CFAP251: variants seen among roughly 807,000 people sequenced by gnomAD.
CFAP251 encodes the protein cilia- and flagella-associated protein 251.
CFAP251 carries 93 observed loss-of-function variants against 126.7 expected under a neutral mutation model. That is an observed-to-expected ratio of 0.73 (90% confidence interval 0.62 to 0.87). The LOEUF (loss-of-function observed/expected upper bound fraction) is 0.87. Among genes scored for constraint, CFAP251 ranks in the 40% least tolerant of loss-of-function variants. The pLI, the probability that CFAP251 is intolerant of heterozygous loss-of-function variation, is 0.00. For missense variants in CFAP251, 1,287 were observed against 1,389.2 expected (o/e 0.93, Z 1.17); for synonymous variants, 503 against 506.9 (o/e 0.99, Z 0.10).
At chr12:121,956,041 C>T (rs867870525) in intron 10 of CFAP251, 9 of 152,162 alleles carry the variant, frequency 5.9e-5, no homozygotes, top group South Asian at 2.1e-4. Context: ...GAGAAAAATC[C>T]TCCTCATCTG....
intron 19 of CFAP251, among the ~76,000 whole-genome samples, chr12:121,987,530 C>T (rs1288171600): frequency 6.6e-6 from 1 of 152,016 alleles, no homozygotes; most frequent in East Asian, 1.9e-4. Context: ...CCCTGGCCAA[C>T]ATGGTGAAGC....
At chr12:121,933,241 G>C (rs1446728714) in intron 4 of CFAP251, 1 of 152,264 alleles carries the variant, frequency 6.6e-6, no homozygotes, top group Non-Finnish European at 1.5e-5. Flanking sequence ...GATTGAGTGG[G>C]CAGGGATTGA....
chr12:121,982,936 CTA>C (rs1882659143), intron 19 of CFAP251, among the ~76,000 whole-genome samples: 1 of 151,762 alleles, frequency 6.6e-6, no homozygotes, highest in Non-Finnish European at 1.5e-5. Flanking sequence ...ACCCCGATCT[CTA>C]AAAAATTTTA....
chr12:121,978,873 T>C (rs1882547836), intron 19 of CFAP251, among the ~76,000 whole-genome samples: 1 of 152,182 alleles, frequency 6.6e-6, no homozygotes, highest in Non-Finnish European at 1.5e-5. Flanking sequence ...CTCTCATTAT[T>C]TTCCTGGGTC....
intron 19 of CFAP251, among the ~76,000 whole-genome samples, chr12:121,984,149 A>G (rs995141425): frequency 1.6e-4 from 24 of 151,578 alleles, no homozygotes; most frequent in Non-Finnish European, 3.0e-4. Flanking sequence ...ATTTGAAGCT[A>G]GTTAGTGTGG....
intron 7 of CFAP251, 50 bp from the exon 8 acceptor site, chr12:121,948,934 C>T: frequency 8.8e-7 from 1 of 1,136,172 alleles, no homozygotes; most frequent in Middle Eastern, 2.1e-4. Context: ...TTCAGCTTAA[C>T]CAGAAACAGA....
intron 17 of CFAP251, 89 bp from the exon 18 acceptor site, chr12:121,975,155 C>T: frequency 9.8e-7 from 1 of 1,017,558 alleles, no homozygotes; most frequent in South Asian, 1.3e-5. Flanking sequence ...TGATACCCTT[C>T]AGAGGGCCGC....
chr12:121,965,325 C>T (rs1395760784), intron 15 of CFAP251, among the ~76,000 whole-genome samples: 1 of 152,212 alleles, frequency 6.6e-6, no homozygotes, highest in Admixed American at 6.5e-5. Context: ...CGGGCACTCT[C>T]ATCCGCTTCT....
intron 19 of CFAP251, among the ~76,000 whole-genome samples, chr12:121,982,907 A>G (rs1475405883): frequency 6.6e-6 from 1 of 151,468 alleles, no homozygotes; most frequent in South Asian, 2.1e-4. Context: ...TTCCAGACCA[A>G]CCTAGGCAAC....
intron 19 of CFAP251, among the ~76,000 whole-genome samples, chr12:121,987,459 A>G (rs1423345359): frequency 2.6e-5 from 4 of 152,212 alleles, no homozygotes; most frequent in Non-Finnish European, 5.9e-5. Context: ...TCATACCCGT[A>G]ATCCCAGCAG....
At chr12:121,972,727 A>T (rs1298141655) in intron 17 of CFAP251, among the ~76,000 whole-genome samples, 2 of 152,108 alleles carry the variant, frequency 1.3e-5, no homozygotes, top group African/African-American at 2.4e-5. Flanking sequence ...TGACCTCGTG[A>T]TCCACCTGCC....
chr12:122,003,194 G>A (rs1883186058), intron 21 of CFAP251, among the ~76,000 whole-genome samples: 1 of 152,156 alleles, frequency 6.6e-6, no homozygotes, highest in African/African-American at 2.4e-5. Context: ...AGTTTTTCAA[G>A]GAATCAAAGC....
intron 19 of CFAP251, chr12:121,999,366 A>G: frequency 6.4e-6 from 1 of 157,166 alleles, no homozygotes; most frequent in Non-Finnish European, 1.4e-5. Flanking sequence ...TTTGTGGAAA[A>G]TTAGTATTCT....
chr12:121,919,666 C>T (rs1345802769), intron 1 of CFAP251, among the ~76,000 whole-genome samples: 1 of 152,148 alleles, frequency 6.6e-6, no homozygotes, highest in Non-Finnish European at 1.5e-5. Flanking sequence ...AATGCTAGGA[C>T]AAGCTGACAG....
chr12:121,996,270 C>T (rs77185251), intron 19 of CFAP251, among the ~76,000 whole-genome samples: 1 of 152,188 alleles, frequency 6.6e-6, no homozygotes, highest in African/African-American at 2.4e-5. Context: ...TCCCACTTCT[C>T]TGTTGCTCTT....
At chr12:121,945,022 A>T (rs1881262789) in intron 7 of CFAP251, among the ~76,000 whole-genome samples, 1 of 152,168 alleles carries the variant, frequency 6.6e-6, no homozygotes, top group African/African-American at 2.4e-5. Flanking sequence ...GGCTCAAGCC[A>T]TCCACCCGCC....
At chr12:121,981,419 G>T (rs994338341) in intron 19 of CFAP251, among the ~76,000 whole-genome samples, 1 of 152,108 alleles carries the variant, frequency 6.6e-6, no homozygotes, top group Non-Finnish European at 1.5e-5. Context: ...GCAGTGAGCC[G>T]TGATCACGCC....
chr12:121,975,370 T>C (rs1882431848), intron 18 of CFAP251, 36 bp downstream of exon 18: 1 of 1,599,618 alleles, frequency 6.3e-7, no homozygotes, highest in South Asian at 1.1e-5. Context: ...CCTGGTAACA[T>C]CTAGTTAAGT....
Position 121,948,970 on chromosome 12 carries a change from A to T in CFAP251, c.1192-14A>T, listed in dbSNP as rs765635828. ...AAATTTATCATTAATGTATTTTCAT[A>T]CTTTATATTTCAGAACTACGTTACT... is the stretch of plus-strand genomic sequence containing the variant. On this transcript the variant is annotated splice_polypyrimidine_tract_variant and intron_variant, in intron 7 of 21. Transcript: ENST00000288912. 1.4e-6 allele frequency: 2 copies of T among 1,466,744 alleles called. No homozygotes were observed. The highest frequency in any genetic ancestry group is 1.9e-6 in the Non-Finnish European group (2 of 1,072,854). 90.9% of individuals were successfully genotyped at this position (1,466,744 alleles called of 1,614,324 possible).
Sources: allele counts gnomAD v4.1 joint callset (sites outside exome capture counted in the v4.1 genomes callset), GRCh38; gene constraint gnomAD v4.1.1; transcripts MANE v1.5; gene names NCBI Gene and HGNC (gene_info 2026-07-23, HGNC 2026-07-21).